KCNMA1: variants seen among roughly 807,000 people sequenced by gnomAD.
The protein encoded by KCNMA1 is Calcium-activated potassium channel subunit alpha-1.
A neutral mutation model predicts 140.0 loss-of-function variants in KCNMA1; 29 were observed. The ratio of observed to expected loss-of-function variants is 0.21; its 90% confidence interval spans 0.15 to 0.28. KCNMA1 has a LOEUF of 0.28. Ranked by LOEUF, KCNMA1 falls within the 10% of genes least tolerant of loss-of-function variation. The probability of loss-of-function intolerance (pLI) is 1.00; values close to 1 mark genes in which losing one functional copy is unlikely to be tolerated. For missense variants in KCNMA1, 880 were observed against 1,602.2 expected, an observed-to-expected ratio of 0.55 and a Z score of 7.70; for synonymous variants, 612 against 611.9, an observed-to-expected ratio of 1.00 and a Z score of 0.00.
intron 1 of KCNMA1, among the ~76,000 whole-genome samples, chr10:77,536,909 C>A (rs941378270): frequency 3.9e-5 from 6 of 152,200 alleles, no homozygotes; most frequent in African/African-American, 1.2e-4. Flanking sequence ...CTGGGAAAAA[C>A]CAAACACAAA....
At chr10:77,038,186 G>A (rs1232123103) in intron 15 of KCNMA1, among the ~76,000 whole-genome samples, 1 of 152,144 alleles carries the variant, frequency 6.6e-6, no homozygotes, top group African/African-American at 2.4e-5. Flanking sequence ...TAAACACGAA[G>A]CCACCAAGCG....
intron 25 of KCNMA1, among the ~76,000 whole-genome samples, chr10:76,898,483 T>C (rs1441486140): frequency 6.6e-6 from 1 of 151,710 alleles, no homozygotes; most frequent in African/African-American, 2.4e-5. Flanking sequence ...TGATTTAGTG[T>C]ATTTTTACTA....
chr10:77,505,103 G>A (rs952589974), intron 1 of KCNMA1, among the ~76,000 whole-genome samples: 12 of 152,112 alleles, frequency 7.9e-5, no homozygotes, highest in Admixed American at 3.9e-4. Flanking sequence ...AGCTCTCAAG[G>A]CAATCACCTT....
intron 19 of KCNMA1, among the ~76,000 whole-genome samples, chr10:76,987,026 CAAG>C (rs768056125): frequency 2.0e-5 from 3 of 147,948 alleles, no homozygotes; most frequent in Non-Finnish European, 3.0e-5. Context: ...TATAAAGGAA[CAAG>C]AAGGAAGAAA....
At chr10:77,549,709 T>C (rs1251995505) in intron 1 of KCNMA1, among the ~76,000 whole-genome samples, 1 of 152,234 alleles carries the variant, frequency 6.6e-6, no homozygotes, top group East Asian at 1.9e-4. Flanking sequence ...TAACGTCCTG[T>C]CTAAACATCC....
rs1234311568 is a variant in KCNMA1, at chr10:76,914,215, CAG to C, written c.3016+719_3016+720del. The C allele has an allele frequency of 4.7e-6, 5 of 1,066,008 alleles. No individual in the cohort carries two copies. The East Asian group carries it at 7.8e-5, about 17-fold the overall frequency. 66.0% of individuals were successfully genotyped at this position (1,066,008 alleles called of 1,614,324 possible). A position where few individuals can be genotyped will look rare whatever the true frequency, so the allele number is the denominator to read the frequency against. ...GAAAAAGAAGAGAGTGAGGGAATAA[CAG>C]AGGAAACATTCTCAAGTAAAGGGAC... On this transcript the variant is annotated intron_variant, in intron 24 of 27. Transcript: ENST00000286628.
intron 1 of KCNMA1, chr10:77,636,322 C>G: frequency 1.3e-6 from 2 of 1,518,346 alleles, no homozygotes; most frequent in East Asian, 2.5e-5. Flanking sequence ...AGGCAGTGAG[C>G]CTAGCAACCA....
At chr10:77,271,675 G>T (rs1249360630) in intron 2 of KCNMA1, among the ~76,000 whole-genome samples, 4 of 152,156 alleles carry the variant, frequency 2.6e-5, no homozygotes, top group African/African-American at 9.7e-5. Context: ...GCTGCCAGTT[G>T]GTTGCCAGAC....
intron 1 of KCNMA1, among the ~76,000 whole-genome samples, chr10:77,435,631 G>A (rs1180279432): frequency 6.6e-6 from 1 of 152,182 alleles, no homozygotes; most frequent in African/African-American, 2.4e-5. Flanking sequence ...AAACCATAAA[G>A]CTGAAATGAG....
At chr10:77,259,523 CAAGGCCCTG>C (rs2061514546) in intron 2 of KCNMA1, among the ~76,000 whole-genome samples, 1 of 152,158 alleles carries the variant, frequency 6.6e-6, no homozygotes, top group Admixed American at 6.5e-5. Context: ...ACAGAGTCCA[CAAGGCCCTG>C]AAAGCTCTGG....
Position 76,949,347 on chromosome 10 carries a change from A to G in KCNMA1, c.2504T>C (p.Met835Thr). ...KVILTRSEAA[M>T]TVLSGHVVVC... Reference sequence around the variant, plus strand: ...CACGACATGGCCACTCAGGACGGTCATGGCAGCTTCACTTCGAGTCTACAA... The same window carrying G: ...CACGACATGGCCACTCAGGACGGTCGTGGCAGCTTCACTTCGAGTCTACAA... Residue 835 changes from methionine to threonine, a missense_variant, in exon 22 of 28, where the codon ATG becomes ACG. Around this residue, in one of 13 missense-constraint regions of KCNMA1, gnomAD observed 82 missense variants for 170.1 expected, o/e 0.48. Transcript: ENST00000286628. 1 of 1,614,076 alleles carries G rather than the reference A, an allele frequency of 6.2e-7. No individual in the cohort carries two copies. The highest frequency in any genetic ancestry group is 8.5e-7 in the Non-Finnish European group (1 of 1,179,964).
chr10:77,208,208 C>T (rs979219083), intron 3 of KCNMA1, among the ~76,000 whole-genome samples: 1 of 152,204 alleles, frequency 6.6e-6, no homozygotes, highest in African/African-American at 2.4e-5. Context: ...AAACTTCCAG[C>T]TTGATTCCCT....
At chr10:76,893,534 A>G (rs2041136341) in intron 25 of KCNMA1, among the ~76,000 whole-genome samples, 1 of 152,038 alleles carries the variant, frequency 6.6e-6, no homozygotes. Flanking sequence ...TGAGGTCAGG[A>G]GTTGGGACCA....
chr10:77,435,715 C>G (rs564318513), intron 1 of KCNMA1, among the ~76,000 whole-genome samples: 61 of 152,312 alleles, frequency 4.0e-4, no homozygotes, highest in African/African-American at 1.4e-3. Flanking sequence ...AAATCAAGCG[C>G]ATGGAAGAAA....
intron 23 of KCNMA1, among the ~76,000 whole-genome samples, chr10:76,940,067 G>T (rs756520268): frequency 6.6e-6 from 1 of 152,234 alleles, no homozygotes; most frequent in Non-Finnish European, 1.5e-5. Flanking sequence ...TTGCTGACCA[G>T]CAAGAAGCAG....
intron 1 of KCNMA1, among the ~76,000 whole-genome samples, chr10:77,542,832 T>C (rs530109323): frequency 2.0e-5 from 3 of 152,314 alleles, no homozygotes; most frequent in African/African-American, 7.2e-5. Context: ...AGAAGTATTA[T>C]TGCTGAGGCC....
chr10:77,554,320 G>C (rs1344968351), intron 1 of KCNMA1, among the ~76,000 whole-genome samples: 1 of 152,078 alleles, frequency 6.6e-6, no homozygotes, highest in Non-Finnish European at 1.5e-5. Flanking sequence ...TTTTGGGCTG[G>C]GTGTGGTGGC....
downstream of KCNMA1, among the ~76,000 whole-genome samples, chr10:76,881,233 AGATC>A (rs2034544441): frequency 6.6e-6 from 1 of 152,198 alleles, no homozygotes. Context: ...AAAGTTAAGC[AGATC>A]TAGCTCACGT....
intron 1 of KCNMA1, among the ~76,000 whole-genome samples, chr10:77,600,134 T>C (rs556272478): frequency 2.0e-5 from 3 of 152,330 alleles, no homozygotes; most frequent in Middle Eastern, 3.4e-3. Context: ...CCTTGGCACA[T>C]GCTAAGATTC....
Sources: gnomAD v4.1 joint callset for allele counts (sites outside exome capture counted in the v4.1 genomes callset) on GRCh38, gnomAD v4.1.1 for gene constraint, gnomAD v4.1.1 regional missense constraint, MANE v1.5 for transcripts, NCBI Gene and HGNC (gene_info 2026-07-23, HGNC 2026-07-21) for gene names.